SND1: variants seen among roughly 807,000 people sequenced by gnomAD.
The protein encoded by SND1 is staphylococcal nuclease domain-containing protein 1.
A neutral mutation model predicts 121.7 loss-of-function variants in SND1; 38 were observed. The ratio of observed to expected loss-of-function variants is 0.31; its 90% CI spans 0.24 to 0.41. SND1 has a LOEUF of 0.41. Among genes scored for constraint, SND1 ranks in the 10% least tolerant of loss-of-function variants. The pLI, the probability that SND1 is intolerant of heterozygous loss-of-function variation, is 1.00. For synonymous variants in SND1, 401 were observed against 447.4 expected, an observed-to-expected ratio of 0.90 and a Z score of 1.31; for missense variants, 868 against 1,184.6, an observed-to-expected ratio of 0.73 and a Z score of 3.92.
chr7:127,888,495 A>C (rs1443328793), intron 13 of SND1, among the ~76,000 whole-genome samples: 3 of 152,182 alleles, frequency 2.0e-5, no homozygotes, highest in South Asian at 2.1e-4. Flanking sequence ...CACTTCTGAC[A>C]GCTGGCAGGA....
intron 15 of SND1, among the ~76,000 whole-genome samples, chr7:127,946,244 CAT>C (rs1277378761): frequency 6.6e-6 from 1 of 152,164 alleles, no homozygotes; most frequent in Non-Finnish European, 1.5e-5. Context: ...ATGGCTAAGA[CAT>C]GTGATCATAG....
intron 10 of SND1, among the ~76,000 whole-genome samples, chr7:127,729,431 A>G (rs1188093316): frequency 5.8e-5 from 8 of 137,786 alleles, no homozygotes; most frequent in Admixed American, 4.1e-4. Flanking sequence ...CTGTGTTTAG[A>G]TAAATTACTT....
chr7:128,006,475 G>A (rs1469308236), intron 16 of SND1, among the ~76,000 whole-genome samples: 9 of 152,196 alleles, frequency 5.9e-5, no homozygotes, highest in East Asian at 3.9e-4. Flanking sequence ...TGTGCATTGC[G>A]AATGGCAAAT....
intron 11 of SND1, among the ~76,000 whole-genome samples, chr7:127,819,643 C>G (rs778628424): frequency 6.6e-6 from 1 of 152,116 alleles, no homozygotes; most frequent in African/African-American, 2.4e-5. Context: ...TCACCTCACC[C>G]GCTTTCTATT....
chr7:127,707,549 GT>G lies in SND1; in HGVS notation c.948-6del. On this transcript the variant is annotated splice_polypyrimidine_tract_variant and splice_region_variant and intron_variant, in intron 8 of 23. Transcript: ENST00000354725. ...CTGAATGATCTTGCATCCTTGCTTT[GT>G]TGCCAGGTTTGCCAAAGAGCGCAGG... The G allele has an allele frequency of 6.2e-7, 1 of 1,613,706 alleles. No homozygotes were observed. The highest frequency in any genetic ancestry group is 8.5e-7 in the Non-Finnish European group (1 of 1,179,642).
chr7:127,699,828 T>C (rs1796071062), intron 4 of SND1, among the ~76,000 whole-genome samples: 1 of 152,164 alleles, frequency 6.6e-6, no homozygotes, highest in African/African-American at 2.4e-5. Context: ...GGAAAGGCTT[T>C]AGAGAAACAT....
At position 127,660,938 on chromosome 7, in the gene SND1, C is replaced by CA. The variant is rs776473290; in HGVS notation, c.78+8495dup. Among the ~76,000 whole-genome samples, 740 of 151,312 alleles carry CA rather than the reference C, an allele frequency of 4.9e-3. 3 individuals carry two copies. The highest frequency in any genetic ancestry group is 6.8e-3 in the Middle Eastern group (2 of 294). On this transcript the variant is annotated intron_variant, in intron 1 of 23. Transcript: ENST00000354725. ...GGACTGGCCTGGAAAGGTCTATTTTCAAAAAAAAGCCACTCCTAGGCTATT... is the reference window on the plus strand; with the variant it reads ...GGACTGGCCTGGAAAGGTCTATTTTCAAAAAAAAAGCCACTCCTAGGCTATT...
intron 16 of SND1, among the ~76,000 whole-genome samples, chr7:128,073,562 C>A (rs2117049238): frequency 6.6e-6 from 1 of 152,346 alleles, no homozygotes; most frequent in South Asian, 2.1e-4. Flanking sequence ...CCAGCTCCGA[C>A]CTCGAGAATT....
chr7:127,972,613 A>T (rs1802022296), intron 15 of SND1, among the ~76,000 whole-genome samples: 1 of 150,682 alleles, frequency 6.6e-6, no homozygotes, highest in African/African-American at 2.4e-5. Context: ...TTTTCTTGAG[A>T]CAGAGTCTTG....
At chr7:127,873,047 C>T (rs189483768) in intron 12 of SND1, among the ~76,000 whole-genome samples, 5 of 152,224 alleles carry the variant, frequency 3.3e-5, no homozygotes, top group Admixed American at 2.0e-4. Flanking sequence ...TTAAGATACT[C>T]ATCTCTTATA....
intron 12 of SND1, among the ~76,000 whole-genome samples, chr7:127,878,296 G>A (rs1331237155): frequency 6.6e-6 from 1 of 152,176 alleles, no homozygotes; most frequent in Non-Finnish European, 1.5e-5. Context: ...TACTCTGAAT[G>A]CTCCTTAAAT....
intron 15 of SND1, among the ~76,000 whole-genome samples, chr7:127,977,716 G>C (rs564419073): frequency 6.6e-6 from 1 of 152,170 alleles, no homozygotes; most frequent in Non-Finnish European, 1.5e-5. Flanking sequence ...CAGGTAGATC[G>C]ATCAGAAGAT....
At chr7:127,756,900 G>A (rs1455828294) in intron 10 of SND1, among the ~76,000 whole-genome samples, 1 of 152,078 alleles carries the variant, frequency 6.6e-6, no homozygotes, top group Non-Finnish European at 1.5e-5. Context: ...CTGTGTATCT[G>A]CCACTTTCTG....
chr7:127,711,569 G>A (rs1174848964), intron 9 of SND1, among the ~76,000 whole-genome samples: 1 of 152,024 alleles, frequency 6.6e-6, no homozygotes, highest in Non-Finnish European at 1.5e-5. Flanking sequence ...ACATTTCATA[G>A]CGATGCACTT....
At chr7:128,032,086 C>T (rs1792633515) in intron 16 of SND1, 1 of 152,046 alleles carries the variant, frequency 6.6e-6, no homozygotes, top group East Asian at 2.0e-4. Context: ...ATCCTTTTGT[C>T]CTTCAGTCAG....
intron 12 of SND1, among the ~76,000 whole-genome samples, chr7:127,850,458 C>T (rs763107442): frequency 4.6e-5 from 7 of 152,182 alleles, no homozygotes; most frequent in Non-Finnish European, 1.0e-4. Context: ...AGTATGGTTA[C>T]AGTGTTAATA....
At chr7:128,011,988 G>T (rs985309947) in intron 16 of SND1, among the ~76,000 whole-genome samples, 1 of 151,976 alleles carries the variant, frequency 6.6e-6, no homozygotes, top group Non-Finnish European at 1.5e-5. Flanking sequence ...ATCAGAAAAG[G>T]GTTTTAAATA....
intron 15 of SND1, among the ~76,000 whole-genome samples, chr7:127,929,973 G>A (rs1324583856): frequency 6.6e-6 from 1 of 152,228 alleles, no homozygotes; most frequent in Admixed American, 6.5e-5. Flanking sequence ...AGAAGGCTAT[G>A]TATAAACTGT....
Position 128,085,911 on chromosome 7 carries a change from G to T in SND1, c.2304+131G>T. 1.3e-6 allele frequency: 1 copy of T among 792,834 alleles called. No individual in the cohort carries two copies. The allele number at this position is 792,834 out of a possible 1,614,324, so 49.1% of individuals were successfully genotyped here. A position where few individuals can be genotyped will look rare whatever the true frequency, so the allele number is the denominator to read the frequency against. On this transcript the variant is annotated intron_variant, in intron 20 of 23. Transcript: ENST00000354725. The surrounding 1 kb of genome is among the most constrained non-coding windows in gnomAD (Gnocchi z 4.4). The stretch of plus-strand genomic sequence containing the variant: ...ATGAGCATTGGGGCATCTCTGCTGT[G>T]CGTGTAACAGGCCAGGCCCCCTCAG...
Sources: allele counts gnomAD v4.1 joint callset (sites outside exome capture counted in the v4.1 genomes callset), GRCh38; gene constraint gnomAD v4.1.1; non-coding constraint Gnocchi (gnomAD v3.1); transcripts MANE v1.5; gene names NCBI Gene and HGNC (gene_info 2026-07-23, HGNC 2026-07-21).